NAALAD2: variants seen among roughly 807,000 people sequenced by gnomAD.
NAALAD2 encodes the protein N-acetylated-alpha-linked acidic dipeptidase 2.
Under a neutral mutation model 95.6 loss-of-function variants are expected in NAALAD2, and 89 were observed. The observed-to-expected ratio is 0.93, with a 90% CI of 0.78 to 1.11. The LOEUF (loss-of-function observed/expected upper bound fraction) is 1.11, where lower values mean the gene tolerates loss of function less well. NAALAD2 is among the 50% of genes least tolerant of loss of function. The pLI, the probability that NAALAD2 is intolerant of heterozygous loss-of-function variation, is 0.00. For missense variants in NAALAD2, 894 were observed against 872.4 expected, an observed-to-expected ratio of 1.02 and a Z score of -0.31; for synonymous variants, 264 against 294.4, an observed-to-expected ratio of 0.90 and a Z score of 1.06.
Position 90,178,105 on chromosome 11 carries a change from G to A in NAALAD2, c.1846G>A (p.Gly616Arg), listed in dbSNP as rs1186652291. ...ACATGATCAACAATTGACAGACCAT[G>A]GAGTATCATTTGGTAAGAAATAGTT... ...KKHDQQLTDHGVSFDSLFSAV... is the reference protein window; with the variant it reads ...KKHDQQLTDHRVSFDSLFSAV... The change falls in exon 16 of 19, where the codon GGA (glycine) becomes AGA (arginine). Residue 616 changes from glycine (G) to arginine (R), a missense_variant. Transcript: ENST00000534061. The A allele has an allele frequency of 6.2e-7, 1 of 1,609,052 alleles. No homozygotes were observed. The highest frequency in any genetic ancestry group is 1.1e-5 in the South Asian group (1 of 89,758).
chr11:90,155,709 A>G (rs1196906879), intron 6 of NAALAD2, among the ~76,000 whole-genome samples: 2 of 54,556 alleles, frequency 3.7e-5, no homozygotes, highest in East Asian at 1.0e-3. Context: ...ATGTATTATT[A>G]TTGTATGTAT....
Position 90,145,558 on chromosome 11 carries a change from T to C in NAALAD2, c.195-1772T>C, listed in dbSNP as rs183437899. Among the ~76,000 whole-genome samples the C allele has an allele frequency of 3.9e-4, 60 of 152,348 alleles. 1 individual carries two copies. Among genetic ancestry groups the C allele is most frequent in the Admixed American group, 3.7e-3 (56 of 15,298 alleles). On this transcript the variant is annotated intron_variant, in intron 2 of 18. Coordinates refer to ENST00000534061, the MANE Select transcript of NAALAD2 (RefSeq NM_005467.4). ...AATAACTTCTGTCTGAACACATTTG[T>C]ACTTTTAAAAAATAAATATGGTAAG...
Position 90,163,401 on chromosome 11 carries a change from C to G in NAALAD2, c.1167C>G (p.Ala389=), listed in dbSNP as rs1952351193. The part of the protein sequence containing the change: ...TSGVAVLQEI[A]RSFGKLMSKG... The stretch of plus-strand genomic sequence containing the variant: ...GGGTTGCTGTTTTGCAAGAAATTGC[C>G]CGGAGTTTTGGAAAACTGATGAGTA... The change falls in exon 10 of 19, where the codon GCC becomes GCG. Residue 389 remains alanine, a synonymous_variant. Coordinates refer to ENST00000534061, the MANE Select transcript of NAALAD2 (RefSeq NM_005467.4). 1 of 1,613,930 alleles carries G rather than the reference C, an allele frequency of 6.2e-7. No individual in the cohort carries two copies. Among genetic ancestry groups the G allele is most frequent in the Non-Finnish European group, 8.5e-7 (1 of 1,179,916 alleles).
intron 18 of NAALAD2, among the ~76,000 whole-genome samples, chr11:90,184,136 T>C (rs908583891): frequency 2.6e-5 from 4 of 152,184 alleles, no homozygotes; most frequent in African/African-American, 9.6e-5. Context: ...ATTAAGATGA[T>C]GATAATTGCT....
intron 18 of NAALAD2, among the ~76,000 whole-genome samples, chr11:90,184,694 C>T (rs1454894816): frequency 3.3e-5 from 5 of 151,684 alleles, no homozygotes; most frequent in Admixed American, 1.3e-4. Context: ...TTCAGCATTC[C>T]CCCCTTGCCC....
chr11:90,158,210 G>T lies in NAALAD2; in HGVS notation c.862G>T (p.Gly288Ter), dbSNP rs1952180537. ...CCCCCGAATACCTGTACATCCCATT[G>T]GATATAATGATGCAGAAATATTATT... Reference protein sequence around the residue: ...GIPRIPVHPIGYNDAEILLRY... With the variant: ...GIPRIPVHPI The change falls in exon 7 of 19, where the codon GGA (glycine) becomes TGA (stop). Residue 288 changes from glycine (G) to a stop codon, truncating the protein, a stop_gained. Coordinates refer to ENST00000534061, the MANE Select transcript of NAALAD2 (RefSeq NM_005467.4). LOFTEE classifies it high-confidence loss of function. 5.0e-6 allele frequency: 8 copies of T among 1,609,520 alleles called. No individual in the cohort carries two copies. The East Asian group carries it at 1.6e-4, about 31-fold the overall frequency.
At chr11:90,187,915 T>G (rs970329176) in intron 18 of NAALAD2, among the ~76,000 whole-genome samples, 6 of 152,276 alleles carry the variant, frequency 3.9e-5, no homozygotes, top group Admixed American at 2.0e-4. Flanking sequence ...ACAAAAACAT[T>G]AGCCAAATTA....
Position 90,134,685 on chromosome 11 carries a change from C to A in NAALAD2, c.-74C>A. ...CCCAGAGCTCACAGCCTCCTGCCAG[C>A]GCGCTCTCTGTTTCTCTGCAGCCCC... On this transcript the variant is annotated 5_prime_UTR_variant, in exon 1 of 19. Transcript: ENST00000534061. 6 of 1,460,964 alleles carry A rather than the reference C, an allele frequency of 4.1e-6. 1 individual carries two copies. The highest frequency in any genetic ancestry group is 3.4e-5 in the South Asian group (3 of 87,560). 90.5% of individuals were successfully genotyped at this position (1,460,964 alleles called of 1,614,324 possible).
At chr11:90,166,707 T>C (rs1232516865) in intron 11 of NAALAD2, among the ~76,000 whole-genome samples, 4 of 150,906 alleles carry the variant, frequency 2.7e-5, no homozygotes, top group Non-Finnish European at 4.4e-5. Context: ...CAGTGGTGGG[T>C]GCCTGTAGTC....
chr11:90,158,311 A>T, intron 7 of NAALAD2, 73 bp downstream of exon 7: 1 of 1,074,054 alleles, frequency 9.3e-7, no homozygotes, highest in South Asian at 1.3e-5. Flanking sequence ...GAAAACCAAT[A>T]TGGCATTCTT....
chr11:90,178,138 T>C (rs1413568168), intron 16 of NAALAD2, 21 bp downstream of exon 16: 1 of 1,593,862 alleles, frequency 6.3e-7, no homozygotes, highest in Admixed American at 1.8e-5. Flanking sequence ...GTTGGGCAGA[T>C]ATTTTACAGT....
At chr11:90,137,130 C>G (rs1590951030) in intron 2 of NAALAD2, among the ~76,000 whole-genome samples, 1 of 151,902 alleles carries the variant, frequency 6.6e-6, no homozygotes, top group African/African-American at 2.4e-5. Context: ...ATTGCATGAT[C>G]TAACTCATAT....
chr11:90,149,657 C>T (rs1466050946), intron 4 of NAALAD2, among the ~76,000 whole-genome samples: 2 of 151,932 alleles, frequency 1.3e-5, no homozygotes, highest in East Asian at 1.9e-4. Context: ...AGGCTAGTCT[C>T]GAACTCCCGA....
At chr11:90,134,455 G>A (rs1951404814), upstream of NAALAD2, 3 of 363,276 alleles carry the variant, frequency 8.3e-6, no homozygotes, top group Admixed American at 7.7e-5. Flanking sequence ...AGTTCTTTAG[G>A]AAAAAATTAG....
Position 90,182,358 on chromosome 11 carries a change from T to C in NAALAD2, c.1941-558T>C, listed in dbSNP as rs906307731. Among the ~76,000 whole-genome samples, 7 of 152,114 alleles carry C rather than the reference T, an allele frequency of 4.6e-5. 1 individual carries two copies. Among genetic ancestry groups the C allele is most frequent in the Non-Finnish European group, 1.0e-4 (7 of 68,014 alleles). On this transcript the variant is annotated intron_variant, in intron 17 of 18. Transcript: ENST00000534061. ...TTCCCATATTGGAAGAAAGCTATTA[T>C]CAGTAGTTTTAAGGGACCTCATTCT...
chr11:90,170,685 C>T (rs1952606188), intron 13 of NAALAD2, among the ~76,000 whole-genome samples: 1 of 152,052 alleles, frequency 6.6e-6, no homozygotes, highest in Non-Finnish European at 1.5e-5. Flanking sequence ...ATATTAAATC[C>T]TGAGGTGGCT....
intron 3 of NAALAD2, among the ~76,000 whole-genome samples, chr11:90,148,358 A>C (rs200453584): frequency 6.6e-6 from 1 of 152,140 alleles, no homozygotes; most frequent in African/African-American, 2.4e-5. Context: ...TTGGGGAAGG[A>C]GGGGAAGATA....
At position 90,147,447 on chromosome 11, in the gene NAALAD2, T is replaced by A. The variant is rs774134299; in HGVS notation, c.312T>A (p.Asp104Glu). The A allele has an allele frequency of 6.2e-7, 1 of 1,614,068 alleles. No homozygotes were observed. The highest frequency in any genetic ancestry group is 1.7e-5 in the Admixed American group (1 of 60,026). Residue 104 changes from aspartate to glutamate, a missense_variant, in exon 3 of 19, where the codon GAT becomes GAA. Transcript: ENST00000534061. ...GLDSAKLVHY[D>E]VLLSYPNETN... is the part of the protein sequence containing the mutation. ...ATTCAGCCAAGTTGGTTCATTATGA[T>A]GTCCTCTTATCTTACCCCAATGAGA...
At chr11:90,133,763 A>G (rs573405382), upstream of NAALAD2, among the ~76,000 whole-genome samples, 4 of 152,308 alleles carry the variant, frequency 2.6e-5, no homozygotes, top group Admixed American at 6.5e-5. Context: ...TGCCAGTTGT[A>G]TTGACAGACT....
Sources: gnomAD v4.1 joint callset for allele counts (sites outside exome capture counted in the v4.1 genomes callset) on GRCh38, gnomAD v4.1.1 for gene constraint, MANE v1.5 for transcripts, NCBI Gene and HGNC (gene_info 2026-07-23, HGNC 2026-07-21) for gene names.